CPEB1: variants seen among roughly 807,000 people sequenced by gnomAD.
CPEB1 encodes the protein cytoplasmic polyadenylation element-binding protein 1.
A neutral mutation model predicts 65.8 loss-of-function variants in CPEB1; 7 were observed. That is an observed-to-expected ratio of 0.11 (90% CI 0.06 to 0.20). The LOEUF is 0.20. Ranked by LOEUF, CPEB1 falls within the 10% of genes least tolerant of loss-of-function variation. CPEB1 has a pLI of 1.00. For missense variants in CPEB1, 551 were observed against 712.2 expected, an observed-to-expected ratio of 0.77 and a Z score of 2.58; for synonymous variants, 262 against 260.0, an observed-to-expected ratio of 1.01 and a Z score of -0.08.
intron 3 of CPEB1, among the ~76,000 whole-genome samples, chr15:82,575,053 C>T (rs1596050643): frequency 6.6e-6 from 1 of 152,102 alleles, no homozygotes. Context: ...TTATTGAATA[C>T]TGTAATGAAA....
At chr15:82,568,739 C>G (rs1338657256) in intron 4 of CPEB1, among the ~76,000 whole-genome samples, 1 of 152,164 alleles carries the variant, frequency 6.6e-6, no homozygotes, top group East Asian at 1.9e-4. Context: ...AGATGCAGCA[C>G]TCGGTATACC....
At chr15:82,556,616 A>T (rs1471302665) in intron 5 of CPEB1, 1 of 152,632 alleles carries the variant, frequency 6.6e-6, no homozygotes, top group African/African-American at 2.4e-5. Context: ...TACGTGTGTG[A>T]AATGATACAT....
intron 3 of CPEB1, among the ~76,000 whole-genome samples, chr15:82,610,958 C>CAAAAAAA (rs60065545): frequency 0.019 from 580 of 30,074 alleles, 38 homozygotes; most frequent in South Asian, 0.026. Flanking sequence ...ACTCCAGTCT[C>CAAAAAAA]AAAAAAAAAA....
At chr15:82,625,934 C>T (rs762160244) in intron 3 of CPEB1, among the ~76,000 whole-genome samples, 2 of 151,588 alleles carry the variant, frequency 1.3e-5, no homozygotes, top group Non-Finnish European at 2.9e-5. Context: ...GCCTGGCCAA[C>T]ATGGCGAAAC....
At chr15:82,594,503 C>T (rs1048701101) in intron 3 of CPEB1, among the ~76,000 whole-genome samples, 2 of 152,218 alleles carry the variant, frequency 1.3e-5, no homozygotes, top group African/African-American at 4.8e-5. Context: ...TAAGTTTTGG[C>T]ATAAGGGAAT....
intron 2 of CPEB1, among the ~76,000 whole-genome samples, chr15:82,627,901 G>C (rs779603349): frequency 3.3e-5 from 5 of 152,048 alleles, no homozygotes; most frequent in Non-Finnish European, 7.4e-5. Flanking sequence ...GATGAACAAG[G>C]TACTCAGAAG....
intron 3 of CPEB1, among the ~76,000 whole-genome samples, chr15:82,621,357 C>T (rs895640686): frequency 1.3e-5 from 2 of 151,698 alleles, no homozygotes; most frequent in Non-Finnish European, 2.9e-5. Flanking sequence ...TGCAGTGGCT[C>T]ACGCCTGTAA....
At chr15:82,587,505 AAG>A (rs2041895487) in intron 3 of CPEB1, among the ~76,000 whole-genome samples, 1 of 152,216 alleles carries the variant, frequency 6.6e-6, no homozygotes, top group East Asian at 1.9e-4. Context: ...TGGCTGGGGA[AAG>A]AGAGTAAGTT....
At chr15:82,600,897 CTTTTTTTTTTTTTT>C (rs751843256) in intron 3 of CPEB1, among the ~76,000 whole-genome samples, 56 of 64,178 alleles carry the variant, frequency 8.7e-4, no homozygotes, top group South Asian at 5.1e-3. Context: ...CAGAACTTGT[CTTTTTTTTTTTTTT>C]TTTTTTTTTT....
chr15:82,579,139 T>C (rs1305849695), intron 3 of CPEB1, among the ~76,000 whole-genome samples: 1 of 152,116 alleles, frequency 6.6e-6, no homozygotes, highest in Non-Finnish European at 1.5e-5. Flanking sequence ...TTACATGAGA[T>C]TTTAAAAGAC....
At chr15:82,578,400 A>G (rs1275165171) in intron 3 of CPEB1, among the ~76,000 whole-genome samples, 3 of 152,170 alleles carry the variant, frequency 2.0e-5, no homozygotes, top group Non-Finnish European at 2.9e-5. Context: ...TTCCCCATCT[A>G]CTTATTTTAT....
intron 8 of CPEB1, among the ~76,000 whole-genome samples, chr15:82,553,083 A>G (rs568897172): frequency 1.3e-5 from 2 of 152,354 alleles, no homozygotes; most frequent in Non-Finnish European, 2.9e-5. Flanking sequence ...CATTCCTGCC[A>G]ACTCCAAAGG....
In CPEB1 at chr15:82,610,051, C is replaced by A. The variant is rs1234829808; in HGVS notation, c.271+17142G>T. Among the ~76,000 whole-genome samples the A allele has an allele frequency of 2.8e-5, 4 of 140,380 alleles. No homozygotes were observed. In the Admixed American group the frequency reaches 2.9e-4, roughly 10 times the overall value. The allele number at this position is 140,380 out of a possible 152,430, so 92.1% of individuals were successfully genotyped here. ...CTCCAGCCTAGGCAACAAGAGCAAA[C>A]CTCCGTGGCAAAAAAAAAAAAAAAA... On this transcript the variant is annotated intron_variant, in intron 3 of 12. Coordinates refer to ENST00000684509, the MANE Select transcript of CPEB1 (RefSeq NM_001365242.1).
At chr15:82,568,428 GCCCCCAAAGTCTT>G (rs941017401) in intron 4 of CPEB1, among the ~76,000 whole-genome samples, 3 of 152,094 alleles carry the variant, frequency 2.0e-5, no homozygotes, top group African/African-American at 7.2e-5. Context: ...CACTCATCTT[GCCCCCAAAGTCTT>G]CCTCCCCATC....
intron 4 of CPEB1, among the ~76,000 whole-genome samples, chr15:82,561,706 A>G (rs937701775): frequency 3.3e-5 from 5 of 152,182 alleles, no homozygotes; most frequent in Non-Finnish European, 7.3e-5. Flanking sequence ...CCACAAACCC[A>G]TCTACCTCTG....
intron 3 of CPEB1, among the ~76,000 whole-genome samples, chr15:82,609,159 C>T (rs2043899298): frequency 6.6e-6 from 1 of 152,156 alleles, no homozygotes; most frequent in African/African-American, 2.4e-5. Context: ...CATACTAAAA[C>T]TTACGGCATG....
intron 3 of CPEB1, among the ~76,000 whole-genome samples, chr15:82,623,603 G>A (rs2045503968): frequency 6.6e-6 from 1 of 152,150 alleles, no homozygotes; most frequent in African/African-American, 2.4e-5. Context: ...TTGGACCCGG[G>A]AGTTGGAGGT....
At chr15:82,639,166 T>C (rs559887487) in intron 1 of CPEB1, among the ~76,000 whole-genome samples, 5 of 152,362 alleles carry the variant, frequency 3.3e-5, no homozygotes, top group South Asian at 4.1e-4. Context: ...AAACCCTTCA[T>C]GGTCCGCCTT....
chr15:82,598,885 A>T (rs2042881450), intron 3 of CPEB1, among the ~76,000 whole-genome samples: 1 of 152,224 alleles, frequency 6.6e-6, no homozygotes, highest in African/African-American at 2.4e-5. Context: ...TCAATGTGGC[A>T]GCAACCTTAA....
Sources: gnomAD v4.1 joint callset for allele counts (sites outside exome capture counted in the v4.1 genomes callset) on GRCh38, gnomAD v4.1.1 for gene constraint, MANE v1.5 for transcripts, NCBI Gene and HGNC (gene_info 2026-07-23, HGNC 2026-07-21) for gene names.